MYLK: variants seen among roughly 807,000 people sequenced by gnomAD.
The protein encoded by MYLK is myosin light chain kinase, smooth muscle.
Under a neutral mutation model 203.4 loss-of-function variants are expected in MYLK, and 106 were observed. That is an observed-to-expected ratio of 0.52 (90% CI 0.45 to 0.61). The LOEUF (loss-of-function observed/expected upper bound fraction) is 0.61. Ranked by LOEUF, MYLK falls within the 20% of genes least tolerant of loss-of-function variation. The pLI, the probability that MYLK is intolerant of heterozygous loss-of-function variation, is 0.00. For missense variants in MYLK, 2,072 were observed against 2,442.3 expected (o/e 0.85, Z 3.20); for synonymous variants, 867 against 959.5 (o/e 0.90, Z 1.78).
At chr3:123,710,010 C>A in intron 13 of MYLK, 117 bp from the exon 14 acceptor site, 1 of 1,334,186 alleles carries the variant, frequency 7.5e-7, no homozygotes, top group Non-Finnish European at 1.1e-6. Context: ...CAGAAACTGG[C>A]AGCTAACAGA....
intron 8 of MYLK, chr3:123,735,696 A>C: frequency 7.1e-6 from 3 of 425,470 alleles, no homozygotes; most frequent in Non-Finnish European, 1.3e-5. Context: ...AAAAAAACCA[A>C]TCCAGGGACA....
chr3:123,644,723 G>A (rs573844708), intron 27 of MYLK, among the ~76,000 whole-genome samples: 21 of 152,350 alleles, frequency 1.4e-4, no homozygotes, highest in Non-Finnish European at 2.2e-4. Flanking sequence ...TGCAGCCCAC[G>A]GGGCTATTGT....
At chr3:123,856,674 CAA>C (rs2031403480) in intron 2 of MYLK, among the ~76,000 whole-genome samples, 1 of 152,142 alleles carries the variant, frequency 6.6e-6, no homozygotes, top group Admixed American at 6.5e-5. Context: ...AGTGATTTCT[CAA>C]AGTGTTACAC....
chr3:123,629,379 C>T lies in MYLK; in HGVS notation c.5114+95G>A. 1 of 1,505,642 alleles carries T rather than the reference C, an allele frequency of 6.6e-7. No individual in the cohort carries two copies. Among genetic ancestry groups the T allele is most frequent in the East Asian group, 2.3e-5 (1 of 43,752 alleles). 93.3% of individuals were successfully genotyped at this position (1,505,642 alleles called of 1,614,324 possible). ...CTAGGAACGACCCAAGGCGGGGTGG[C>T]AAGGAGGGCACCCCAACAGGCAAAG... On this transcript the variant is annotated intron_variant, in intron 30 of 33. Transcript: ENST00000360304. The surrounding 1 kb of genome is among the most constrained non-coding windows in gnomAD (Gnocchi z 4.4).
intron 18 of MYLK, 100 bp downstream of exon 18, chr3:123,699,920 C>T: frequency 6.6e-7 from 1 of 1,515,690 alleles, no homozygotes; most frequent in Non-Finnish European, 9.1e-7. Flanking sequence ...AGCAGCCTAC[C>T]TATGGGCTGC....
At chr3:123,717,491 T>C (rs1472460628) in intron 13 of MYLK, among the ~76,000 whole-genome samples, 2 of 152,202 alleles carry the variant, frequency 1.3e-5, no homozygotes, top group Admixed American at 6.5e-5. Flanking sequence ...AGGCCTTCAG[T>C]TAAATAAACA....
intron 3 of MYLK, among the ~76,000 whole-genome samples, chr3:123,816,583 A>C (rs1339745364): frequency 6.6e-6 from 1 of 152,272 alleles, no homozygotes. Context: ...TTGGCCAGAA[A>C]AGTTAATAAC....
chr3:123,740,473 T>G (rs965184077), intron 5 of MYLK, among the ~76,000 whole-genome samples: 4 of 152,210 alleles, frequency 2.6e-5, no homozygotes, highest in Non-Finnish European at 5.9e-5. Context: ...TTACCACACC[T>G]ACTCTTGACT....
At chr3:123,853,782 T>C (rs1316791158) in intron 2 of MYLK, among the ~76,000 whole-genome samples, 2 of 152,118 alleles carry the variant, frequency 1.3e-5, no homozygotes. Flanking sequence ...ATATTTTGCA[T>C]GCATGAGAAA....
intron 1 of MYLK, among the ~76,000 whole-genome samples, chr3:123,878,455 C>T (rs1314971738): frequency 6.6e-6 from 1 of 152,194 alleles, no homozygotes; most frequent in Non-Finnish European, 1.5e-5. Flanking sequence ...CTGAAGCAGA[C>T]AGATGGCAGT....
chr3:123,737,320 T>C lies in MYLK; in HGVS notation c.754+58A>G, dbSNP rs1490357788. The C allele has an allele frequency of 4.3e-6, 7 of 1,611,066 alleles. No homozygotes were observed. The African/African-American group carries it at 8.0e-5, about 18-fold the overall frequency. ...GTGCGCAGTGAACAAGCAGCTCCTC[T>C]AGGAGGGTGCGGCACCAGGCAGGGA... On this transcript the variant is annotated intron_variant, in intron 8 of 33. Transcript: ENST00000360304.
intron 24 of MYLK, among the ~76,000 whole-genome samples, chr3:123,650,085 GC>G (rs1220188250): frequency 6.6e-6 from 1 of 152,176 alleles, no homozygotes; most frequent in Non-Finnish European, 1.5e-5. Context: ...AGCACAGCAC[GC>G]CCACTTCAGA....
intron 3 of MYLK, among the ~76,000 whole-genome samples, chr3:123,830,930 T>C (rs1316642658): frequency 2.6e-5 from 4 of 152,150 alleles, no homozygotes; most frequent in Non-Finnish European, 5.9e-5. Flanking sequence ...AAGAAGGCAC[T>C]GTCTTTGTTA....
In MYLK at chr3:123,722,925, CAG is replaced by C. The variant is rs1349673857; in HGVS notation, c.1652-647_1652-646del. On this transcript the variant is annotated intron_variant, in intron 12 of 33. Coordinates refer to ENST00000360304, the MANE Select transcript of MYLK (RefSeq NM_053025.4). ...TAAAAATGACTCGGCTCCTTTTTTC[CAG>C]AGTCCCTTACATGTGACATGTTCCA... Among the ~76,000 whole-genome samples, 4 of 152,166 alleles carry C rather than the reference CAG, an allele frequency of 2.6e-5. No homozygotes were observed. In the East Asian group the frequency reaches 7.7e-4, roughly 29 times the overall value.
chr3:123,839,893 G>A (rs1316898005), intron 2 of MYLK, among the ~76,000 whole-genome samples: 1 of 152,042 alleles, frequency 6.6e-6, no homozygotes, highest in Non-Finnish European at 1.5e-5. Flanking sequence ...TAACAGGAAG[G>A]TATCTAACAA....
Position 123,626,808 on chromosome 3 carries a change from C to T in MYLK, c.5238+10G>A, listed in dbSNP as rs2058170660. The T allele has an allele frequency of 6.2e-7, 1 of 1,614,050 alleles. No individual in the cohort carries two copies. The highest frequency in any genetic ancestry group is 8.5e-7 in the Non-Finnish European group (1 of 1,180,018). The stretch of plus-strand genomic sequence containing the variant: ...GGCAACATCCCAGTCCAAAGTGACC[C>T]TCTCATTACCTGCCATTTCCTTCTT... On this transcript the variant is annotated intron_variant, in intron 31 of 33. Coordinates refer to ENST00000360304, the MANE Select transcript of MYLK (RefSeq NM_053025.4).
intron 12 of MYLK, 54 bp downstream of exon 12, chr3:123,725,890 A>T (rs1366165851): frequency 1.3e-6 from 2 of 1,592,236 alleles, no homozygotes; most frequent in African/African-American, 1.3e-5. Flanking sequence ...GAATTCAGGC[A>T]GCGCCAAAGG....
chr3:123,655,722 C>A (rs775435873), intron 24 of MYLK, among the ~76,000 whole-genome samples: 11 of 152,224 alleles, frequency 7.2e-5, no homozygotes, highest in Non-Finnish European at 1.3e-4. Context: ...ATTACAAGCT[C>A]TGTGACTTTG....
chr3:123,754,975 G>C (rs1452070664), intron 4 of MYLK, among the ~76,000 whole-genome samples: 2 of 152,216 alleles, frequency 1.3e-5, no homozygotes, highest in Non-Finnish European at 2.9e-5. Context: ...CCTAAAGGCA[G>C]AAACGTTCAT....
Sources: gnomAD v4.1 joint callset for allele counts (sites outside exome capture counted in the v4.1 genomes callset) on GRCh38, gnomAD v4.1.1 for gene constraint, Gnocchi (gnomAD v3.1) non-coding constraint, MANE v1.5 for transcripts, NCBI Gene and HGNC (gene_info 2026-07-23, HGNC 2026-07-21) for gene names.